The following RALYL variants were observed in gnomAD, a reference collection of about 807,000 sequenced individuals.
RALYL encodes RNA-binding Raly-like protein.
A neutral mutation model predicts 35.1 loss-of-function variants in RALYL; 29 were observed. That is an observed-to-expected ratio of 0.83 (90% CI 0.61 to 1.13). The LOEUF (loss-of-function observed/expected upper bound fraction) is 1.13, where lower values mean the gene tolerates loss of function less well. RALYL is among the 50% of genes most tolerant of loss of function. The pLI is 0.00. For synonymous variants in RALYL, 120 were observed against 127.6 expected (o/e 0.94, Z 0.40); for missense variants, 359 against 360.4 (o/e 1.00, Z 0.03).
At chr8:84,466,944 T>C (rs2051770290) in intron 1 of RALYL, among the ~76,000 whole-genome samples, 1 of 152,162 alleles carries the variant, frequency 6.6e-6, no homozygotes, top group Non-Finnish European at 1.5e-5. Flanking sequence ...GTGTTTGTAG[T>C]ATTCCCTGAT....
At chr8:84,219,399 T>C (rs763702078) in intron 1 of RALYL, among the ~76,000 whole-genome samples, 15 of 152,052 alleles carry the variant, frequency 9.9e-5, no homozygotes, top group Non-Finnish European at 2.1e-4. Flanking sequence ...CTAGCCATGC[T>C]GAACTGTGAG....
intron 8 of RALYL, among the ~76,000 whole-genome samples, chr8:84,903,910 A>G (rs1051356527): frequency 2.0e-5 from 3 of 152,146 alleles, no homozygotes; most frequent in African/African-American, 7.2e-5. Context: ...CCTTAATGCC[A>G]TTTTTATTCA....
chr8:84,344,267 T>G (rs1487233242), intron 1 of RALYL, among the ~76,000 whole-genome samples: 1 of 152,064 alleles, frequency 6.6e-6, no homozygotes, highest in Non-Finnish European at 1.5e-5. Context: ...TATTTTGTTA[T>G]GCAAAAAAAT....
At chr8:84,271,998 C>T (rs1204413009) in intron 1 of RALYL, among the ~76,000 whole-genome samples, 2 of 152,122 alleles carry the variant, frequency 1.3e-5, no homozygotes, top group Non-Finnish European at 2.9e-5. Flanking sequence ...GAGCTTTAAA[C>T]AATTATTAGG....
At chr8:84,814,967 G>A (rs1826841909) in intron 4 of RALYL, among the ~76,000 whole-genome samples, 1 of 152,184 alleles carries the variant, frequency 6.6e-6, no homozygotes, top group African/African-American at 2.4e-5. Context: ...GATACCAGTG[G>A]GGCCTGGGAG....
At chr8:84,448,179 A>G (rs2049053524) in intron 1 of RALYL, among the ~76,000 whole-genome samples, 1 of 151,890 alleles carries the variant, frequency 6.6e-6, no homozygotes, top group African/African-American at 2.4e-5. Flanking sequence ...TTTATTAGCA[A>G]CCACCCTCCA....
chr8:84,838,238 A>G (rs1212978741), intron 4 of RALYL, among the ~76,000 whole-genome samples: 1 of 152,170 alleles, frequency 6.6e-6, no homozygotes, highest in African/African-American at 2.4e-5. Context: ...TTGGTGGGTG[A>G]TTTCAAATAG....
chr8:84,825,657 C>T (rs779483239), intron 4 of RALYL, among the ~76,000 whole-genome samples: 6 of 152,122 alleles, frequency 3.9e-5, no homozygotes, highest in Non-Finnish European at 8.8e-5. Flanking sequence ...CACCTGAGGT[C>T]AGGAGTTCAA....
intron 4 of RALYL, among the ~76,000 whole-genome samples, chr8:84,836,370 A>G (rs1157481840): frequency 2.0e-5 from 3 of 152,302 alleles, no homozygotes; most frequent in Middle Eastern, 3.4e-3. Flanking sequence ...TCTCTTCCTC[A>G]GGTGACAGGT....
intron 2 of RALYL, among the ~76,000 whole-genome samples, chr8:84,732,974 G>A (rs555673499): frequency 1.5e-4 from 23 of 152,052 alleles, no homozygotes; most frequent in Non-Finnish European, 2.9e-4. Flanking sequence ...GGGATTACAG[G>A]CATGAGCCAC....
intron 1 of RALYL, among the ~76,000 whole-genome samples, chr8:84,276,392 T>G (rs1310034255): frequency 6.6e-6 from 1 of 152,228 alleles, no homozygotes; most frequent in East Asian, 1.9e-4. Context: ...CTCCCCTGTC[T>G]TTACTGAACC....
Position 84,893,947 on chromosome 8 carries a change from G to A in RALYL, c.858+6171G>A, listed in dbSNP as rs547089054. ...CTTAGACATGAAAGCTGAGTACTACGTTGTAATACATCTTTCAGGATTTAA... is the reference window on the plus strand; with the variant it reads ...CTTAGACATGAAAGCTGAGTACTACATTGTAATACATCTTTCAGGATTTAA... On this transcript the variant is annotated intron_variant, in intron 8 of 8. Coordinates refer to ENST00000521268, the MANE Select transcript of RALYL (RefSeq NM_173848.7). Among the ~76,000 whole-genome samples the A allele has an allele frequency of 5.9e-5, 9 of 152,134 alleles. No individual in the cohort carries two copies. The South Asian group carries it at 1.2e-3, about 21-fold the overall frequency.
intron 1 of RALYL, among the ~76,000 whole-genome samples, chr8:84,312,360 C>G (rs1400049528): frequency 6.6e-6 from 1 of 152,182 alleles, no homozygotes; most frequent in Admixed American, 6.5e-5. Context: ...GTTCTTTTCA[C>G]ATTTCAAAAC....
At chr8:84,349,251 T>C (rs1429176922) in intron 1 of RALYL, among the ~76,000 whole-genome samples, 1 of 150,472 alleles carries the variant, frequency 6.6e-6, no homozygotes, top group Admixed American at 6.6e-5. Context: ...CCCATCCCTC[T>C]CCAGGGCTAG....
chr8:84,193,943 C>G (rs368025061), intron 1 of RALYL, among the ~76,000 whole-genome samples: 1 of 152,026 alleles, frequency 6.6e-6, no homozygotes, highest in South Asian at 2.1e-4. Flanking sequence ...GGCAGCTCTA[C>G]GAGATGAACA....
chr8:84,381,052 A>G (rs970075399), intron 1 of RALYL, among the ~76,000 whole-genome samples: 1 of 151,868 alleles, frequency 6.6e-6, no homozygotes, highest in Non-Finnish European at 1.5e-5. Flanking sequence ...ATCATACAAG[A>G]GAACAAAATT....
intron 1 of RALYL, among the ~76,000 whole-genome samples, chr8:84,193,987 A>G (rs1293057022): frequency 4.6e-5 from 7 of 152,212 alleles, no homozygotes; most frequent in Admixed American, 3.9e-4. Flanking sequence ...AAGCCTGAAG[A>G]GCAGGATGAA....
chr8:84,810,250 C>T (rs1185983817), intron 4 of RALYL, among the ~76,000 whole-genome samples: 1 of 152,084 alleles, frequency 6.6e-6, no homozygotes, highest in Non-Finnish European at 1.5e-5. Context: ...ACTCAATGCC[C>T]ATTCCAGAGC....
chr8:84,309,411 T>C (rs1842358002), intron 1 of RALYL, among the ~76,000 whole-genome samples: 1 of 151,464 alleles, frequency 6.6e-6, no homozygotes. Flanking sequence ...GAAAAATATA[T>C]TAATAACAAA....
Sources: gnomAD v4.1 joint callset for allele counts (sites outside exome capture counted in the v4.1 genomes callset) on GRCh38, gnomAD v4.1.1 for gene constraint, MANE v1.5 for transcripts, NCBI Gene and HGNC (gene_info 2026-07-23, HGNC 2026-07-21) for gene names.